The following TTC28 variants were observed in gnomAD, a reference collection of about 807,000 sequenced individuals.
The protein encoded by TTC28 is tetratricopeptide repeat domain 28.
In TTC28, 61 loss-of-function variants were observed where a neutral mutation model predicts 198.0. That is an observed-to-expected ratio of 0.31 (90% CI 0.25 to 0.38). The LOEUF is 0.38. Among genes scored for constraint, TTC28 ranks in the 10% least tolerant of loss-of-function variants. TTC28 has a pLI of 1.00. For synonymous variants in TTC28, 1,171 were observed against 1,297.8 expected, an observed-to-expected ratio of 0.90 and a Z score of 2.10; for missense variants, 2,678 against 3,164.0, an observed-to-expected ratio of 0.85 and a Z score of 3.69.
chr22:28,618,607 G>C (rs886503165), intron 2 of TTC28, among the ~76,000 whole-genome samples: 1 of 151,198 alleles, frequency 6.6e-6, no homozygotes, highest in Admixed American at 6.6e-5. Context: ...GTTTGAACCT[G>C]GGAAGCACAG....
rs752701427 is a variant in TTC28 at position 28,306,477 on chromosome 22, G to A, written c.529+19C>T. On this transcript the variant is annotated intron_variant, in intron 3 of 22. Coordinates refer to ENST00000397906, the MANE Select transcript of TTC28 (RefSeq NM_001145418.2). ...CTTCTTTAAATTAATGTTATACCAAGTACTTTTATCATATTTACCTCTCAT... is the reference window on the plus strand; with the variant it reads ...CTTCTTTAAATTAATGTTATACCAAATACTTTTATCATATTTACCTCTCAT... 1.3e-6 allele frequency: 2 copies of A among 1,544,714 alleles called. No individual in the cohort carries two copies. Among genetic ancestry groups the A allele is most frequent in the East Asian group, 4.9e-5 (2 of 40,660 alleles).
intron 2 of TTC28, among the ~76,000 whole-genome samples, chr22:28,396,037 A>C (rs2046810072): frequency 6.6e-6 from 1 of 152,224 alleles, no homozygotes; most frequent in Non-Finnish European, 1.5e-5. Flanking sequence ...TATCATTATT[A>C]TCCAATGTTC....
At chr22:28,152,540 A>G (rs1161024644) in intron 6 of TTC28, among the ~76,000 whole-genome samples, 1 of 152,148 alleles carries the variant, frequency 6.6e-6, no homozygotes. Flanking sequence ...AAATCTCTGA[A>G]TCGTCATCAC....
At chr22:28,256,881 A>C (rs1160361989) in intron 5 of TTC28, among the ~76,000 whole-genome samples, 1 of 152,214 alleles carries the variant, frequency 6.6e-6, no homozygotes, top group Non-Finnish European at 1.5e-5. Flanking sequence ...TCTACCAAAA[A>C]TCAAAAAAAT....
chr22:28,663,482 T>C (rs964859576), intron 1 of TTC28, among the ~76,000 whole-genome samples: 1 of 143,470 alleles, frequency 7.0e-6, no homozygotes, highest in African/African-American at 2.6e-5. Flanking sequence ...TTGCCTCACC[T>C]GGGAAGCGCA....
At chr22:28,218,238 A>G (rs1483147813) in intron 5 of TTC28, among the ~76,000 whole-genome samples, 1 of 152,238 alleles carries the variant, frequency 6.6e-6, no homozygotes, top group African/African-American at 2.4e-5. Flanking sequence ...ATAATTTTAT[A>G]ACATTATGCA....
At chr22:28,320,981 G>A (rs1326779633) in intron 2 of TTC28, among the ~76,000 whole-genome samples, 1 of 152,158 alleles carries the variant, frequency 6.6e-6, no homozygotes, top group Non-Finnish European at 1.5e-5. Flanking sequence ...GTTCTTTGCT[G>A]ATTCTCAAGG....
intron 2 of TTC28, among the ~76,000 whole-genome samples, chr22:28,466,820 T>TACATACACACACACAC (rs71316840): frequency 7.0e-6 from 1 of 143,810 alleles, no homozygotes; most frequent in African/African-American, 2.6e-5. Flanking sequence ...TATACATACA[T>TACATACACACACACAC]ACACACACAC....
At chr22:28,335,485 G>C (rs1410537379) in intron 2 of TTC28, among the ~76,000 whole-genome samples, 1 of 152,298 alleles carries the variant, frequency 6.6e-6, no homozygotes, top group East Asian at 1.9e-4. Flanking sequence ...TCCTACTCAT[G>C]AGCATAGAAT....
intron 19 of TTC28, among the ~76,000 whole-genome samples, chr22:27,991,982 A>G (rs996739484): frequency 6.6e-6 from 1 of 152,230 alleles, no homozygotes; most frequent in African/African-American, 2.4e-5. Context: ...TTGATCAAAG[A>G]AGCGTGGGAA....
At chr22:28,052,403 TC>T (rs1485813339) in intron 12 of TTC28, among the ~76,000 whole-genome samples, 6 of 152,102 alleles carry the variant, frequency 3.9e-5, no homozygotes, top group Admixed American at 1.3e-4. Flanking sequence ...CCCACAAAGC[TC>T]CGCAAGATTC....
chr22:28,146,809 T>C (rs1193647051), intron 6 of TTC28, among the ~76,000 whole-genome samples: 2 of 145,908 alleles, frequency 1.4e-5, no homozygotes, highest in Non-Finnish European at 3.0e-5. Context: ...AATCCATTAC[T>C]TTTTTTTTTT....
chr22:28,301,882 C>T (rs1242426801), intron 3 of TTC28, among the ~76,000 whole-genome samples: 1 of 151,692 alleles, frequency 6.6e-6, no homozygotes, highest in Admixed American at 6.6e-5. Flanking sequence ...ATAAAAAATA[C>T]AAAAATTAGC....
intron 20 of TTC28, among the ~76,000 whole-genome samples, chr22:27,990,535 C>T (rs896006576): frequency 6.6e-6 from 1 of 152,206 alleles, no homozygotes; most frequent in African/African-American, 2.4e-5. Context: ...GCTGGTTCTG[C>T]CCCTGCTGTC....
chr22:28,448,685 C>T (rs888119273), intron 2 of TTC28, among the ~76,000 whole-genome samples: 4 of 152,086 alleles, frequency 2.6e-5, no homozygotes, highest in African/African-American at 9.7e-5. Context: ...CCTCACTTTG[C>T]TAGAAAAGAA....
At chr22:27,999,401 T>A in intron 15 of TTC28, 141 bp from the exon 16 acceptor site, 1 of 1,261,924 alleles carries the variant, frequency 7.9e-7, no homozygotes, top group Non-Finnish European at 1.1e-6. Context: ...CCACATTCAC[T>A]CTTATTTTTC....
chr22:28,213,942 A>C (rs1006454498), intron 5 of TTC28, among the ~76,000 whole-genome samples: 3 of 152,202 alleles, frequency 2.0e-5, no homozygotes, highest in African/African-American at 7.2e-5. Flanking sequence ...ATATAGACCA[A>C]TGGAACAGAA....
At chr22:28,078,722 G>T (rs1941243612) in intron 12 of TTC28, among the ~76,000 whole-genome samples, 1 of 152,140 alleles carries the variant, frequency 6.6e-6, no homozygotes, top group African/African-American at 2.4e-5. Context: ...GAACTAGTCA[G>T]TTGTTCATGC....
intron 2 of TTC28, among the ~76,000 whole-genome samples, chr22:28,334,475 A>G (rs1455854274): frequency 1.3e-5 from 2 of 152,192 alleles, no homozygotes; most frequent in Admixed American, 6.5e-5. Context: ...CCAACGGTGT[A>G]AAAGTGTTCC....
Sources: gnomAD v4.1 joint callset for allele counts (sites outside exome capture counted in the v4.1 genomes callset) on GRCh38, gnomAD v4.1.1 for gene constraint, MANE v1.5 for transcripts, NCBI Gene and HGNC (gene_info 2026-07-23, HGNC 2026-07-21) for gene names.